Variants in ADIRF observed in about 807,000 individuals in gnomAD.
ADIRF encodes adipogenesis factor rich in obesity.
A neutral mutation model predicts 7.8 loss-of-function variants in ADIRF; 9 were observed. The observed-to-expected ratio is 1.15, with a 90% CI of 0.70 to 2.01. ADIRF has a LOEUF of 2.01. Ranked by LOEUF, ADIRF falls within the 30% of genes most tolerant of loss-of-function variation. ADIRF has a pLI of 0.00. For missense variants in ADIRF, 106 were observed against 98.1 expected, an observed-to-expected ratio of 1.08 and a Z score of -0.34; for synonymous variants, 48 against 39.9, an observed-to-expected ratio of 1.20 and a Z score of -0.77.
At chr10:86,969,531 T>C (rs1844538318) in intron 1 of ADIRF, 1 of 151,894 alleles carries the variant, frequency 6.6e-6, no homozygotes. Flanking sequence ...TACAGCTCTG[T>C]AGGCGGGAGC....
At position 86,970,662 on chromosome 10, in the gene ADIRF, C is replaced by G. The variant is rs111880726; in HGVS notation, c.*80C>G. On this transcript the variant is annotated 3_prime_UTR_variant, in exon 3 of 3. Coordinates refer to ENST00000372013, the MANE Select transcript of ADIRF (RefSeq NM_006829.3). ...CCCCCCTTCCAGGCGCCATCTAGCA[C>G]AGCCTGGCCCTGATCTCCGGGCAGC... 2.6e-3 allele frequency: 3,196 copies of G among 1,209,636 alleles called. 69 individuals carry two copies. In the African/African-American group the frequency reaches 0.043, roughly 16 times the overall value. 74.9% of individuals were successfully genotyped at this position (1,209,636 alleles called of 1,614,324 possible). A position where few individuals can be genotyped will look rare whatever the true frequency, so the allele number is the denominator to read the frequency against.
chr10:86,970,652 C>T lies in ADIRF; in HGVS notation c.*70C>T, dbSNP rs74503710. On this transcript the variant is annotated 3_prime_UTR_variant, in exon 3 of 3. Transcript: ENST00000372013. ...ACTTGGGTGACCCCCCTTCCAGGCG[C>T]CATCTAGCACAGCCTGGCCCTGATC... 2.5e-3 allele frequency: 3,263 copies of T among 1,289,570 alleles called. 70 individuals are homozygous for T. In the African/African-American group the frequency reaches 0.043, roughly 17 times the overall value. 79.9% of individuals were successfully genotyped at this position (1,289,570 alleles called of 1,614,324 possible).
Position 86,968,612 on chromosome 10 carries a change from A to G in ADIRF, c.61+7A>G, listed in dbSNP as rs763578902. On this transcript the variant is annotated splice_region_variant and intron_variant, in intron 1 of 2. Coordinates refer to ENST00000372013, the MANE Select transcript of ADIRF (RefSeq NM_006829.3). The stretch of plus-strand genomic sequence containing the variant: ...GGGACCGCCCAGGAAGCCGGTGAGG[A>G]TAGCGCGCGACCTAGGGCTCAGGCA... 4 of 1,612,760 alleles carry G rather than the reference A, an allele frequency of 2.5e-6. No individual in the cohort carries two copies. Among genetic ancestry groups the G allele is most frequent in the South Asian group, 2.2e-5 (2 of 90,976 alleles).
intron 1 of ADIRF, chr10:86,969,884 G>C (rs989912715): frequency 1.3e-5 from 3 of 232,924 alleles, no homozygotes; most frequent in African/African-American, 2.3e-5. Flanking sequence ...CCAGATGCTA[G>C]CTGCAGCCTG....
rs998593202 is a variant in ADIRF at position 86,970,719 on chromosome 10, A to G, written c.*137A>G. On this transcript the variant is annotated 3_prime_UTR_variant, in exon 3 of 3. Coordinates refer to ENST00000372013, the MANE Select transcript of ADIRF (RefSeq NM_006829.3). Reference sequence around the variant, plus strand: ...CTCCTCGGTCTGCCCCCTCATTAAAATTCACGTTCCCACCCTGTGTCCACT... The same window carrying G: ...CTCCTCGGTCTGCCCCCTCATTAAAGTTCACGTTCCCACCCTGTGTCCACT... 9 of 774,728 alleles carry G rather than the reference A, an allele frequency of 1.2e-5. No individual in the cohort carries two copies. Among genetic ancestry groups the G allele is most frequent in the Non-Finnish European group, 1.8e-5 (8 of 445,034 alleles). The allele number at this position is 774,728 out of a possible 1,614,324, so 48.0% of individuals were successfully genotyped here.
At chr10:86,968,889 C>T (rs1002481579) in intron 1 of ADIRF, 3 of 431,492 alleles carry the variant, frequency 7.0e-6, no homozygotes, top group African/African-American at 6.4e-5. Context: ...GGGCGGCCCG[C>T]CCAGGCCCTC....
rs767941860 is a variant in ADIRF, at chr10:86,970,622, G to A, written c.*40G>A. The A allele has an allele frequency of 2.0e-6, 3 of 1,515,976 alleles. No homozygotes were observed. Among genetic ancestry groups the A allele is most frequent in the Non-Finnish European group, 2.7e-6 (3 of 1,106,168 alleles). 93.9% of individuals were successfully genotyped at this position (1,515,976 alleles called of 1,614,324 possible). A position where few individuals can be genotyped will look rare whatever the true frequency, so the allele number is the denominator to read the frequency against. On this transcript the variant is annotated 3_prime_UTR_variant, in exon 3 of 3. Transcript: ENST00000372013. ...GGGTCGGCCTCCTGAAATGACAGCA[G>A]GGAGACTTGGGTGACCCCCCTTCCA... is the stretch of plus-strand genomic sequence containing the variant.
At chr10:86,968,813 T>A in intron 1 of ADIRF, 1 of 546,306 alleles carries the variant, frequency 1.8e-6, no homozygotes, top group East Asian at 3.5e-5. Flanking sequence ...GAACAGAGGC[T>A]CCGGAGGAGC....
intron 1 of ADIRF, 185 bp downstream of exon 1, chr10:86,968,790 C>T: frequency 1.6e-6 from 1 of 619,154 alleles, no homozygotes; most frequent in South Asian, 2.3e-5. Context: ...ATGGTGCCCG[C>T]AGGGAGGCAG....
In ADIRF at chr10:86,970,385, G is replaced by C. The variant is rs1172147173; in HGVS notation, c.125-91G>C. On this transcript the variant is annotated intron_variant, in intron 2 of 2. Coordinates refer to ENST00000372013, the MANE Select transcript of ADIRF (RefSeq NM_006829.3). ...CCCTCTGTCCACAATGCCCCAAGCAGGTCCCCCGGGAGACCCAGGCCAGGC... is the reference window on the plus strand; with the variant it reads ...CCCTCTGTCCACAATGCCCCAAGCACGTCCCCCGGGAGACCCAGGCCAGGC... The C allele has an allele frequency of 6.6e-6, 10 of 1,508,676 alleles. No individual in the cohort carries two copies. The South Asian group carries it at 1.2e-4, about 18-fold the overall frequency. The allele number at this position is 1,508,676 out of a possible 1,614,324, so 93.5% of individuals were successfully genotyped here.
chr10:86,970,496 AC>A lies in ADIRF; in HGVS notation c.147del (p.Thr50ProfsTer26). 1 of 1,613,282 alleles carries A rather than the reference AC, an allele frequency of 6.2e-7. No individual in the cohort carries two copies. The highest frequency in any genetic ancestry group is 8.5e-7 in the Non-Finnish European group (1 of 1,179,716). ...GQKAMDQLAKTTQETIDKTAN... is the reference protein window; with the variant it reads ...GQKAMDQLAKXTQETIDKTAN... ...CCCAGCCATGGACCAGCTGGCCAAG[AC>A]CACCCAGGAAACCATCGACAAGACT... On this transcript the variant is annotated frameshift_variant, in exon 3 of 3. Coordinates refer to ENST00000372013, the MANE Select transcript of ADIRF (RefSeq NM_006829.3). LOFTEE classifies it high-confidence loss of function.
Position 86,968,518 on chromosome 10 carries a change from T to C in ADIRF, c.-27T>C. On this transcript the variant is annotated 5_prime_UTR_variant, in exon 1 of 3. Coordinates refer to ENST00000372013, the MANE Select transcript of ADIRF (RefSeq NM_006829.3). ...GATCCAACGTCGCTCCAGCTGCTCT[T>C]GACGACTCCACAGATACCCCGAAGC... 1 of 1,613,206 alleles carries C rather than the reference T, an allele frequency of 6.2e-7. No homozygotes were observed.
chr10:86,970,624 G>A lies in ADIRF; in HGVS notation c.*42G>A. 1 of 1,516,476 alleles carries A rather than the reference G, an allele frequency of 6.6e-7. No homozygotes were observed. The highest frequency in any genetic ancestry group is 9.0e-7 in the Non-Finnish European group (1 of 1,106,326). The allele number at this position is 1,516,476 out of a possible 1,614,324, so 93.9% of individuals were successfully genotyped here. A position where few individuals can be genotyped will look rare whatever the true frequency, so the allele number is the denominator to read the frequency against. On this transcript the variant is annotated 3_prime_UTR_variant, in exon 3 of 3. Transcript: ENST00000372013. ...GTCGGCCTCCTGAAATGACAGCAGG[G>A]AGACTTGGGTGACCCCCCTTCCAGG...
At position 86,968,614 on chromosome 10, in the gene ADIRF, A is replaced by G. The variant is rs1320305487; in HGVS notation, c.61+9A>G. 1 of 1,612,710 alleles carries G rather than the reference A, an allele frequency of 6.2e-7. No homozygotes were observed. Among genetic ancestry groups the G allele is most frequent in the African/African-American group, 1.3e-5 (1 of 74,998 alleles). ...GACCGCCCAGGAAGCCGGTGAGGAT[A>G]GCGCGCGACCTAGGGCTCAGGCAGG... On this transcript the variant is annotated intron_variant, in intron 1 of 2. Coordinates refer to ENST00000372013, the MANE Select transcript of ADIRF (RefSeq NM_006829.3).
chr10:86,970,058 C>T, intron 1 of ADIRF, 142 bp from the exon 2 acceptor site: 1 of 771,906 alleles, frequency 1.3e-6, no homozygotes, highest in Non-Finnish European at 1.8e-6. Context: ...GGGCCCTGGG[C>T]CAGGGACTTT....
At chr10:86,970,420 A>G (rs2279601) in intron 2 of ADIRF, 56 bp from the exon 3 acceptor site, 842,348 of 1,541,866 alleles carry the variant, frequency 0.55, 233,834 homozygotes, top group East Asian at 0.79. Flanking sequence ...CTAAGCCTAC[A>G]GGCACTGTGG....
In ADIRF at chr10:86,970,608, C is replaced by T. The variant is rs763160162; in HGVS notation, c.*26C>T. ...CAGCAGGGAGACTTGGGTCGGCCTCCTGAAATGACAGCAGGGAGACTTGGG... is the reference window on the plus strand; with the variant it reads ...CAGCAGGGAGACTTGGGTCGGCCTCTTGAAATGACAGCAGGGAGACTTGGG... On this transcript the variant is annotated 3_prime_UTR_variant, in exon 3 of 3. Coordinates refer to ENST00000372013, the MANE Select transcript of ADIRF (RefSeq NM_006829.3). 1 of 1,573,362 alleles carries T rather than the reference C, an allele frequency of 6.4e-7. No homozygotes were observed. Among genetic ancestry groups the T allele is most frequent in the Non-Finnish European group, 8.7e-7 (1 of 1,151,278 alleles).
chr10:86,970,226 C>A lies in ADIRF; in HGVS notation c.88C>A (p.Gln30Lys). The A allele has an allele frequency of 6.9e-7, 1 of 1,458,148 alleles. No individual in the cohort carries two copies. The highest frequency in any genetic ancestry group is 2.5e-5 in the East Asian group (1 of 40,488). 90.3% of individuals were successfully genotyped at this position (1,458,148 alleles called of 1,614,324 possible). A position where few individuals can be genotyped will look rare whatever the true frequency, so the allele number is the denominator to read the frequency against. ...AVSAAGAAAQ[Q>K]VVDQATEAGQ... ...GTCAGCGGCCGGAGCGGCAGCTCAG[C>A]AAGTGGTGGACCAGGCCACAGAGGC... is the stretch of plus-strand genomic sequence containing the variant. Residue 30 changes from glutamine (Q) to lysine (K), a missense_variant, in exon 2 of 3, where the codon CAA (glutamine) becomes AAA (lysine). Gln to Lys is a moderately conservative substitution (Grantham distance 53, BLOSUM62 1). Coordinates refer to ENST00000372013, the MANE Select transcript of ADIRF (RefSeq NM_006829.3).
At position 86,968,504 on chromosome 10, in the gene ADIRF, G is replaced by T. The variant is rs943040304; in HGVS notation, c.-41G>T. On this transcript the variant is annotated 5_prime_UTR_variant, in exon 1 of 3. Coordinates refer to ENST00000372013, the MANE Select transcript of ADIRF (RefSeq NM_006829.3). ...GCCACTCTGGGCAGGATCCAACGTC[G>T]CTCCAGCTGCTCTTGACGACTCCAC... 2 of 1,611,286 alleles carry T rather than the reference G, an allele frequency of 1.2e-6. No homozygotes were observed. Among genetic ancestry groups the T allele is most frequent in the African/African-American group, 2.7e-5 (2 of 74,860 alleles).
Sources: gnomAD v4.1 joint callset for allele counts on GRCh38, gnomAD v4.1.1 for gene constraint, MANE v1.5 for transcripts, NCBI Gene and HGNC (gene_info 2026-07-23, HGNC 2026-07-21) for gene names.